ALDH8A1: variants seen among roughly 807,000 people sequenced by gnomAD.
ALDH8A1 encodes aldehyde dehydrogenase 8 family member A1, also known as 2-aminomuconic semialdehyde dehydrogenase.
Under a neutral mutation model 43.3 loss-of-function variants are expected in ALDH8A1, and 39 were observed. That is an observed-to-expected ratio of 0.90 (90% CI 0.70 to 1.18). The LOEUF (loss-of-function observed/expected upper bound fraction) is 1.18. Ranked by LOEUF, ALDH8A1 falls within the 50% of genes most tolerant of loss-of-function variation. The probability of loss-of-function intolerance (pLI) is 0.00; values close to 1 mark genes in which losing one functional copy is unlikely to be tolerated. For synonymous variants in ALDH8A1, 233 were observed against 243.5 expected (o/e 0.96, Z 0.40); for missense variants, 605 against 622.6 (o/e 0.97, Z 0.30).
At chr6:134,948,297 T>G (rs1773988169) in intron 1 of ALDH8A1, among the ~76,000 whole-genome samples, 2 of 152,066 alleles carry the variant, frequency 1.3e-5, no homozygotes, top group Non-Finnish European at 2.9e-5. Flanking sequence ...AAAAATATGG[T>G]TAAAAGGAAT....
At chr6:134,925,437 T>C (rs1232568077) in intron 6 of ALDH8A1, among the ~76,000 whole-genome samples, 1 of 152,236 alleles carries the variant, frequency 6.6e-6, no homozygotes, top group Non-Finnish European at 1.5e-5. Context: ...GGAGTCTTGA[T>C]GCTGGCCAGC....
At chr6:134,929,653 G>A (rs1171442320) in intron 5 of ALDH8A1, among the ~76,000 whole-genome samples, 2 of 152,102 alleles carry the variant, frequency 1.3e-5, no homozygotes, top group African/African-American at 2.4e-5. Context: ...GGAATGAACT[G>A]GTGTGCATGA....
intron 4 of ALDH8A1, among the ~76,000 whole-genome samples, chr6:134,938,328 C>G (rs1043627188): frequency 1.3e-5 from 2 of 152,246 alleles, no homozygotes; most frequent in African/African-American, 4.8e-5. Flanking sequence ...CCAGCCTGTG[C>G]CTGTGCGGAG....
intron 5 of ALDH8A1, among the ~76,000 whole-genome samples, chr6:134,930,667 A>T (rs976106364): frequency 6.6e-6 from 1 of 152,176 alleles, no homozygotes; most frequent in Non-Finnish European, 1.5e-5. Context: ...AGCTTGGGAA[A>T]TGTCTAAACA....
rs534663476 is a variant in ALDH8A1, at chr6:134,918,064, C to T, written c.*351G>A. 2.2e-4 allele frequency: 58 copies of T among 265,742 alleles called. 1 individual carries two copies. The South Asian group carries it at 3.2e-3, about 15-fold the overall frequency. The allele number at this position is 265,742 out of a possible 1,614,324, so 16.5% of individuals were successfully genotyped here. On this transcript the variant is annotated 3_prime_UTR_variant, in exon 7 of 7. Coordinates refer to ENST00000265605, the MANE Select transcript of ALDH8A1 (RefSeq NM_022568.4). Reference sequence around the variant, plus strand: ...AGGCATGAGGCACTGTGCCTGATTGCATATTTTTTAAAATTTACCAAATGA... The same window carrying T: ...AGGCATGAGGCACTGTGCCTGATTGTATATTTTTTAAAATTTACCAAATGA...
intron 2 of ALDH8A1, among the ~76,000 whole-genome samples, 191 bp downstream of exon 2, chr6:134,943,628 C>T (rs976532140): frequency 6.6e-6 from 1 of 152,214 alleles, no homozygotes; most frequent in Non-Finnish European, 1.5e-5. Flanking sequence ...CTCTGGCCAT[C>T]TGAATGAGAC....
intron 6 of ALDH8A1, 30 bp from the exon 7 acceptor site, chr6:134,918,897 G>A (rs1449712218): frequency 6.3e-7 from 1 of 1,597,260 alleles, no homozygotes; most frequent in Non-Finnish European, 8.6e-7. Context: ...AATTAGCAAT[G>A]TCTTACCATG....
intron 5 of ALDH8A1, among the ~76,000 whole-genome samples, chr6:134,930,136 C>T (rs1776958339): frequency 6.6e-6 from 1 of 152,148 alleles, no homozygotes; most frequent in Admixed American, 6.5e-5. Context: ...AAGACAGAAC[C>T]AACAGGACCT....
intron 6 of ALDH8A1, among the ~76,000 whole-genome samples, chr6:134,922,579 G>T (rs763872692): frequency 1.3e-5 from 2 of 151,764 alleles, no homozygotes; most frequent in African/African-American, 4.8e-5. Context: ...GTAGAGATGG[G>T]GTTTCACCAC....
chr6:134,919,019 G>T, intron 6 of ALDH8A1, 152 bp from the exon 7 acceptor site: 1 of 905,882 alleles, frequency 1.1e-6, no homozygotes, highest in Non-Finnish European at 1.6e-6. Context: ...CAGCTGCTAA[G>T]CCAGAGGGCA....
chr6:134,937,493 C>T (rs1445809307), intron 4 of ALDH8A1, among the ~76,000 whole-genome samples: 1 of 152,198 alleles, frequency 6.6e-6, no homozygotes, highest in African/African-American at 2.4e-5. Flanking sequence ...AATGGGCTTA[C>T]TAGTTCCCAA....
At chr6:134,938,547 A>G (rs1773790507) in intron 4 of ALDH8A1, among the ~76,000 whole-genome samples, 1 of 152,246 alleles carries the variant, frequency 6.6e-6, no homozygotes, top group African/African-American at 2.4e-5. Flanking sequence ...TAGGTATTCT[A>G]TAGCCAAGCA....
intron 4 of ALDH8A1, among the ~76,000 whole-genome samples, chr6:134,938,375 T>A (rs1773787838): frequency 6.6e-6 from 1 of 152,212 alleles, no homozygotes; most frequent in African/African-American, 2.4e-5. Flanking sequence ...GCATCCTGAA[T>A]GCGGCCAATA....
At chr6:134,919,666 A>C (rs1248632152) in intron 6 of ALDH8A1, among the ~76,000 whole-genome samples, 2 of 152,206 alleles carry the variant, frequency 1.3e-5, no homozygotes, top group Non-Finnish European at 2.9e-5. Context: ...GAAGTATAAA[A>C]GTAGTCCTAA....
intron 6 of ALDH8A1, among the ~76,000 whole-genome samples, chr6:134,920,812 TC>T (rs1177562883): frequency 6.6e-6 from 1 of 152,174 alleles, no homozygotes; most frequent in Non-Finnish European, 1.5e-5. Context: ...AATGTTTTCT[TC>T]AGGAGAGAGA....
chr6:134,942,661 C>T, intron 2 of ALDH8A1, 97 bp from the exon 3 acceptor site: 1 of 1,287,132 alleles, frequency 7.8e-7, no homozygotes, highest in Non-Finnish European at 1.1e-6. Flanking sequence ...ACTGAAACAG[C>T]CTGGATTCCT....
At chr6:134,927,632 C>T (rs930541162) in intron 6 of ALDH8A1, among the ~76,000 whole-genome samples, 6 of 151,814 alleles carry the variant, frequency 4.0e-5, no homozygotes, top group Admixed American at 1.3e-4. Flanking sequence ...ATTATGGCAG[C>T]GACTAAAATA....
At position 134,942,347 on chromosome 6, in the gene ALDH8A1, T is replaced by C. The variant is rs879570728; in HGVS notation, c.442+62A>G. The C allele has an allele frequency of 8.8e-6, 13 of 1,477,672 alleles. No homozygotes were observed. The African/African-American group carries it at 9.8e-5, about 11-fold the overall frequency. 91.5% of individuals were successfully genotyped at this position (1,477,672 alleles called of 1,614,324 possible). On this transcript the variant is annotated intron_variant, in intron 3 of 6. Coordinates refer to ENST00000265605, the MANE Select transcript of ALDH8A1 (RefSeq NM_022568.4). The stretch of plus-strand genomic sequence containing the variant: ...AACCTGTTCCTTGAGGACAATGCCA[T>C]AGAATGTTGTGAGCATCTGCAAGCA...
Position 134,932,836 on chromosome 6 carries a change from A to G in ALDH8A1, c.789T>C (p.Phe263=). The G allele has an allele frequency of 6.2e-7, 1 of 1,614,228 alleles. No individual in the cohort carries two copies. ...ELGGKNPAII[F]EDANLDECIP... ...TGCACTCATCCAGGTTGGCGTCCTC[A>G]AAGATGATGGCAGGATTCTTGCCCC... The change falls in exon 5 of 7, where the codon TTT becomes TTC. Residue 263 remains phenylalanine, a synonymous_variant. Coordinates refer to ENST00000265605, the MANE Select transcript of ALDH8A1 (RefSeq NM_022568.4).
Sources: allele counts gnomAD v4.1 joint callset (sites outside exome capture counted in the v4.1 genomes callset), GRCh38; gene constraint gnomAD v4.1.1; transcripts MANE v1.5; gene names NCBI Gene and HGNC (gene_info 2026-07-23, HGNC 2026-07-21).